Variants in LAMA2 observed in about 807,000 individuals in gnomAD.
LAMA2 encodes laminin subunit alpha-2.
In LAMA2, 269 loss-of-function variants were observed where a neutral mutation model predicts 364.8. The observed-to-expected ratio is 0.74, with a 90% CI of 0.67 to 0.82. LAMA2 has a LOEUF of 0.82. LAMA2 is among the 40% of genes least tolerant of loss of function. LAMA2 has a pLI of 0.00. For missense variants in LAMA2, 3,807 were observed against 3,873.2 expected, an observed-to-expected ratio of 0.98 and a Z score of 0.45; for synonymous variants, 1,379 against 1,370.6, an observed-to-expected ratio of 1.01 and a Z score of -0.14.
At chr6:129,254,049 C>G (rs1267916039) in intron 14 of LAMA2, among the ~76,000 whole-genome samples, 1 of 152,190 alleles carries the variant, frequency 6.6e-6, no homozygotes, top group African/African-American at 2.4e-5. Context: ...TATCTTTGAT[C>G]TACTAGTAGA....
At chr6:129,493,164 A>AAAAT (rs1167890571) in intron 58 of LAMA2, among the ~76,000 whole-genome samples, 8 of 152,214 alleles carry the variant, frequency 5.3e-5, no homozygotes, top group Admixed American at 4.6e-4. Context: ...CCAAAAAATA[A>AAAAT]AAATAAATAA....
intron 3 of LAMA2, among the ~76,000 whole-genome samples, chr6:129,077,734 C>T (rs1185946583): frequency 6.6e-6 from 1 of 152,322 alleles, no homozygotes; most frequent in South Asian, 2.1e-4. Flanking sequence ...ATAGCTCCTA[C>T]TTCTTATATT....
chr6:129,273,952 G>T (rs1257679086), intron 17 of LAMA2, among the ~76,000 whole-genome samples: 1 of 151,150 alleles, frequency 6.6e-6, no homozygotes. Flanking sequence ...ATTAAAATTA[G>T]CAAATTACTA....
At chr6:129,296,850 G>A (rs769754064) in intron 20 of LAMA2, among the ~76,000 whole-genome samples, 9 of 152,032 alleles carry the variant, frequency 5.9e-5, no homozygotes, top group South Asian at 2.1e-4. Context: ...TTTTCTGCTC[G>A]GAGTGATTTT....
At chr6:129,109,610 GT>G (rs5879926) in intron 4 of LAMA2, among the ~76,000 whole-genome samples, 150,939 of 152,042 alleles carry the variant, frequency 0.99, 74,932 homozygotes, top group Middle Eastern at 1. Flanking sequence ...AGAAACTAGG[GT>G]TTTTAAATGA....
At chr6:129,288,780 G>A (rs915270033) in intron 19 of LAMA2, among the ~76,000 whole-genome samples, 4 of 152,102 alleles carry the variant, frequency 2.6e-5, no homozygotes, top group Non-Finnish European at 4.4e-5. Flanking sequence ...ATATGAAGGC[G>A]GATCTTGTTG....
intron 15 of LAMA2, among the ~76,000 whole-genome samples, chr6:129,263,192 T>G (rs1322224051): frequency 1.3e-5 from 2 of 152,146 alleles, no homozygotes; most frequent in Non-Finnish European, 2.9e-5. Context: ...AGCGTGTATT[T>G]TGAGACAAAC....
Position 129,475,389 on chromosome 6 carries a change from G to A in LAMA2, c.7440-1G>A, listed in dbSNP as rs1244029486. 6.5e-7 allele frequency: 1 copy of A among 1,540,906 alleles called. No homozygotes were observed. Among genetic ancestry groups the A allele is most frequent in the Non-Finnish European group, 8.9e-7 (1 of 1,125,820 alleles). On this transcript the variant is annotated splice_acceptor_variant, in intron 52 of 64. Transcript: ENST00000421865. LOFTEE classifies it high-confidence loss of function. ...TTTTTTTCCTCTTTCCCGTTATCTA[G>A]TATGAAAGCAAGGTAAAATTTAAAT...
chr6:128,914,705 A>G (rs1424485087), intron 1 of LAMA2, among the ~76,000 whole-genome samples: 1 of 152,168 alleles, frequency 6.6e-6, no homozygotes, highest in Admixed American at 6.6e-5. Flanking sequence ...TTTGTGAGAT[A>G]AACTGTAAGT....
chr6:129,300,594 A>G, intron 21 of LAMA2, 142 bp from the exon 22 acceptor site: 2 of 790,728 alleles, frequency 2.5e-6, no homozygotes, highest in Non-Finnish European at 4.3e-6. Context: ...AAGATGAATG[A>G]AGTAAGTTTT....
Position 129,192,805 on chromosome 6 carries a change from G to A in LAMA2, c.1734G>A (p.Leu578=), listed in dbSNP as rs1781604559. 1 of 1,614,066 alleles carries A rather than the reference G, an allele frequency of 6.2e-7. No homozygotes were observed. The highest frequency in any genetic ancestry group is 8.5e-7 in the Non-Finnish European group (1 of 1,180,050). ...SISNAEARQA[L]PHSYYWSAPA... is the part of the protein sequence containing the mutation. Reference sequence around the variant, plus strand: ...GTAACGCGGAGGCCCGGCAAGCCCTGCCGCACAGCTACTACTGGAGCGCGC... The same window carrying A: ...GTAACGCGGAGGCCCGGCAAGCCCTACCGCACAGCTACTACTGGAGCGCGC... The change falls in exon 12 of 65, where the codon CTG becomes CTA. Residue 578 remains leucine (L), a synonymous_variant. Coordinates refer to ENST00000421865, the MANE Select transcript of LAMA2 (RefSeq NM_000426.4).
intron 1 of LAMA2, among the ~76,000 whole-genome samples, chr6:128,984,963 T>A (rs894354596): frequency 1.4e-4 from 21 of 152,224 alleles, no homozygotes; most frequent in African/African-American, 5.1e-4. Context: ...GTGGATTTTC[T>A]ACTAATTAGT....
At chr6:129,373,460 T>C (rs887012220) in intron 34 of LAMA2, among the ~76,000 whole-genome samples, 1 of 152,202 alleles carries the variant, frequency 6.6e-6, no homozygotes, top group African/African-American at 2.4e-5. Flanking sequence ...ATACATGTTA[T>C]ATACATGTGT....
At chr6:129,099,123 T>TG (rs1004405632) in intron 4 of LAMA2, among the ~76,000 whole-genome samples, 6 of 71,292 alleles carry the variant, frequency 8.4e-5, no homozygotes, top group Non-Finnish European at 2.1e-4. Flanking sequence ...GGTTTTTTTT[T>TG]TGTTTTTTTT....
intron 3 of LAMA2, among the ~76,000 whole-genome samples, chr6:129,066,063 T>C (rs1789310214): frequency 1.8e-5 from 2 of 113,680 alleles, no homozygotes; most frequent in African/African-American, 5.9e-5. Context: ...TTTTTTTTTT[T>C]GAGACGCAGT....
chr6:129,506,318 A>C (rs954620708), intron 61 of LAMA2, among the ~76,000 whole-genome samples: 1 of 152,146 alleles, frequency 6.6e-6, no homozygotes, highest in Non-Finnish European at 1.5e-5. Flanking sequence ...GCACCACTGC[A>C]TTCCAGCCTG....
rs1779317564 is a variant in LAMA2 at position 129,391,505 on chromosome 6, G to A, written c.5086G>A (p.Ala1696Thr). ...ARDAEAVNEK[A>T]IKLNETLGTR... ...ACCCCCTGCAGCTGTAAATGAAAAA[G>A]CTATAAAACTAAATGAAACTCTAGG... Residue 1696 changes from alanine (A) to threonine (T), a missense_variant, in exon 36 of 65, where the codon GCT (alanine) becomes ACT (threonine). By Grantham distance (58) the Ala-to-Thr change is moderately conservative (BLOSUM62 0). Coordinates refer to ENST00000421865, the MANE Select transcript of LAMA2 (RefSeq NM_000426.4). 6.2e-7 allele frequency: 1 copy of A among 1,613,672 alleles called. No homozygotes were observed. The highest frequency in any genetic ancestry group is 8.5e-7 in the Non-Finnish European group (1 of 1,179,804).
At chr6:129,233,146 A>G (rs916328242) in intron 12 of LAMA2, among the ~76,000 whole-genome samples, 3 of 152,136 alleles carry the variant, frequency 2.0e-5, no homozygotes, top group Non-Finnish European at 4.4e-5. Flanking sequence ...GGAGACCCAT[A>G]TTGGAATATT....
intron 12 of LAMA2, among the ~76,000 whole-genome samples, chr6:129,209,743 C>G (rs894397291): frequency 6.6e-6 from 1 of 152,212 alleles, no homozygotes; most frequent in South Asian, 2.1e-4. Context: ...GTGGCTCACG[C>G]CTGTAATCCC....
Sources: allele counts gnomAD v4.1 joint callset (sites outside exome capture counted in the v4.1 genomes callset), GRCh38; gene constraint gnomAD v4.1.1; transcripts MANE v1.5; gene names NCBI Gene and HGNC (gene_info 2026-07-23, HGNC 2026-07-21).